RNF6: variants seen among roughly 807,000 people sequenced by gnomAD.
RNF6 encodes the protein ring finger protein 6, also known as E3 ubiquitin-protein ligase RNF6.
In RNF6, 21 loss-of-function variants were observed where a neutral mutation model predicts 50.1. The observed-to-expected ratio is 0.42, with a 90% confidence interval of 0.30 to 0.60. The LOEUF is 0.60. RNF6 is among the 20% of genes least tolerant of loss of function. The probability of loss-of-function intolerance (pLI) is 0.20; values close to 1 mark genes in which losing one functional copy is unlikely to be tolerated. For synonymous variants in RNF6, 255 were observed against 291.8 expected (o/e 0.87, Z 1.29); for missense variants, 698 against 838.2 (o/e 0.83, Z 2.07).
At position 26,214,311 on chromosome 13, in the gene RNF6, C is replaced by T. The variant is rs1869590478; in HGVS notation, c.1571G>A (p.Gly524Asp). Reference protein sequence around the residue: ...PDMHSELSNLGTDNNRSQHRE... With the variant: ...PDMHSELSNLDTDNNRSQHRE... ...GTGCTGGCTCCTGTTGTTATCTGTA[C>T]CTAAGTTACTCAGTTCTGAGTGCAT... The change falls in exon 5 of 5, where the codon GGT becomes GAT. Residue 524 changes from glycine to aspartate, a missense_variant. By Grantham distance (94) the Gly-to-Asp change is moderately conservative. Coordinates refer to ENST00000381588, the MANE Select transcript of RNF6 (RefSeq NM_005977.4). 1.2e-6 allele frequency: 2 copies of T among 1,614,094 alleles called. No individual in the cohort carries two copies. The highest frequency in any genetic ancestry group is 2.2e-5 in the South Asian group (2 of 91,076).
chr13:26,147,803 C>A (rs1871328496), intron 5 of RNF6, among the ~76,000 whole-genome samples: 1 of 152,206 alleles, frequency 6.6e-6, no homozygotes, highest in Non-Finnish European at 1.5e-5. Flanking sequence ...TCCTTCAGGA[C>A]ACACAAGAAA....
chr13:26,158,006 C>T (rs114387984), intron 5 of RNF6, among the ~76,000 whole-genome samples: 2,863 of 148,546 alleles, frequency 0.019, 98 homozygotes, highest in African/African-American at 0.066. Context: ...TAGAAGAAGT[C>T]ATTGGATGGA....
chr13:26,170,419 G>A (rs1182602622), intron 5 of RNF6, among the ~76,000 whole-genome samples: 1 of 152,184 alleles, frequency 6.6e-6, no homozygotes, highest in Admixed American at 6.6e-5. Flanking sequence ...AAATCCTTGG[G>A]TGAAGGAATT....
chr13:26,161,394 CT>C (rs1872206628), intron 5 of RNF6, among the ~76,000 whole-genome samples: 1 of 152,212 alleles, frequency 6.6e-6, no homozygotes, highest in Admixed American at 6.5e-5. Context: ...ATTTTATGAA[CT>C]GTATGAATGG....
At chr13:26,146,689 T>C (rs116240549) in intron 5 of RNF6, among the ~76,000 whole-genome samples, 1,718 of 152,328 alleles carry the variant, frequency 0.011, 26 homozygotes, top group African/African-American at 0.034. Flanking sequence ...CACCTTTTCA[T>C]CTATGTTTCA....
chr13:26,150,896 C>A (rs367799464), intron 5 of RNF6: 1 of 152,120 alleles, frequency 6.6e-6, no homozygotes. Context: ...TGGGGACATA[C>A]CTGGAATTTA....
At chr13:26,209,797 A>ATATATATATGTATG (rs1869247776), downstream of RNF6, among the ~76,000 whole-genome samples, 1 of 152,100 alleles carries the variant, frequency 6.6e-6, no homozygotes, top group Admixed American at 6.6e-5. Flanking sequence ...ATATATATAT[A>ATATATATATGTATG]TATACTGGGC....
intron 5 of RNF6, among the ~76,000 whole-genome samples, chr13:26,140,159 T>C (rs1291588719): frequency 6.6e-6 from 1 of 152,236 alleles, no homozygotes; most frequent in Non-Finnish European, 1.5e-5. Flanking sequence ...GAATATTAAC[T>C]TTATACAAAT....
At chr13:26,194,143 C>G (rs969514617) in intron 5 of RNF6, among the ~76,000 whole-genome samples, 1 of 152,052 alleles carries the variant, frequency 6.6e-6, no homozygotes, top group Non-Finnish European at 1.5e-5. Flanking sequence ...TAGATGAGAA[C>G]GGTCAATATA....
At chr13:26,206,673 A>G (rs1031337668) in intron 5 of RNF6, among the ~76,000 whole-genome samples, 4 of 152,184 alleles carry the variant, frequency 2.6e-5, no homozygotes, top group Non-Finnish European at 5.9e-5. Context: ...AATCTTACAA[A>G]CAAGCTTTTA....
At chr13:26,152,929 C>T (rs926318779) in intron 5 of RNF6, among the ~76,000 whole-genome samples, 6 of 151,830 alleles carry the variant, frequency 4.0e-5, no homozygotes, top group African/African-American at 7.3e-5. Context: ...CCGAGGCGGG[C>T]GGATCATGAG....
chr13:26,210,734 T>C (rs1869288187), downstream of RNF6, among the ~76,000 whole-genome samples: 1 of 152,218 alleles, frequency 6.6e-6, no homozygotes, highest in Non-Finnish European at 1.5e-5. Flanking sequence ...CCCTAAACTC[T>C]GCCAATTACT....
chr13:26,177,640 G>C (rs1202982279), intron 5 of RNF6, among the ~76,000 whole-genome samples: 2 of 152,080 alleles, frequency 1.3e-5, no homozygotes, highest in Non-Finnish European at 1.5e-5. Flanking sequence ...TCAAGAAAAG[G>C]CTTCACAACC....
At position 26,213,985 on chromosome 13, in the gene RNF6, T is replaced by G. The variant is rs1464005298; in HGVS notation, c.1897A>C (p.Ser633Arg). Reference sequence around the variant, plus strand: ...GTTACATAGTCACTAATACAAACACTACAGATTTTACCTAGTTCACTATCA... The same window carrying G: ...GTTACATAGTCACTAATACAAACACGACAGATTTTACCTAGTTCACTATCA... ...SIDSELGKIC[S>R]VCISDYVTGN... Residue 633 changes from serine (S) to arginine (R), a missense_variant, in exon 5 of 5, where the codon AGT becomes CGT. By Grantham distance (110) the Ser-to-Arg change is moderately radical (BLOSUM62 -1). Transcript: ENST00000381588. 1 of 1,614,102 alleles carries G rather than the reference T, an allele frequency of 6.2e-7. No individual in the cohort carries two copies. Among genetic ancestry groups the G allele is most frequent in the East Asian group, 2.2e-5 (1 of 44,902 alleles).
At position 26,214,840 on chromosome 13, in the gene RNF6, G is replaced by A. The variant is rs1869682458; in HGVS notation, c.1042C>T (p.Arg348Ter). ...TCTCTATCTTGCTCTAAAAAGACTC[G>A]AGTTCTACCTCTCCTCCTAACAGAT... ...RRSVRRRGRT[R>*]VFLEQDRERE... Residue 348 changes from arginine to a stop codon, truncating the protein, a stop_gained, in exon 5 of 5, where the codon CGA becomes TGA. Coordinates refer to ENST00000381588, the MANE Select transcript of RNF6 (RefSeq NM_005977.4). LOFTEE classifies it high-confidence loss of function. 6.2e-7 allele frequency: 1 copy of A among 1,614,150 alleles called. No individual in the cohort carries two copies. The highest frequency in any genetic ancestry group is 8.5e-7 in the Non-Finnish European group (1 of 1,180,032).
At chr13:26,209,940 CAG>C (rs1046894370), downstream of RNF6, among the ~76,000 whole-genome samples, 6 of 152,136 alleles carry the variant, frequency 3.9e-5, no homozygotes, top group African/African-American at 1.4e-4. Context: ...GGGGCCAACT[CAG>C]AGTCTTCAGA....
intron 5 of RNF6, among the ~76,000 whole-genome samples, chr13:26,188,326 A>G (rs1873650812): frequency 6.6e-6 from 1 of 152,190 alleles, no homozygotes; most frequent in African/African-American, 2.4e-5. Flanking sequence ...CCTCCACCCC[A>G]CTTGTGACAG....
At chr13:26,165,324 T>G (rs1033531540) in intron 5 of RNF6, among the ~76,000 whole-genome samples, 2 of 152,202 alleles carry the variant, frequency 1.3e-5, no homozygotes, top group African/African-American at 4.8e-5. Context: ...CCTGGATGTC[T>G]AGGCAGAAGT....
intron 5 of RNF6, among the ~76,000 whole-genome samples, chr13:26,165,501 C>T (rs756279773): frequency 6.6e-6 from 1 of 152,170 alleles, no homozygotes; most frequent in East Asian, 1.9e-4. Flanking sequence ...CCACTGACAG[C>T]TTGCACTGTG....
Sources: allele counts gnomAD v4.1 joint callset (sites outside exome capture counted in the v4.1 genomes callset), GRCh38; gene constraint gnomAD v4.1.1; transcripts MANE v1.5; gene names NCBI Gene and HGNC (gene_info 2026-07-23, HGNC 2026-07-21).